The following KCNH1 variants were observed in gnomAD, a reference collection of about 807,000 sequenced individuals.
KCNH1 encodes voltage-gated delayed rectifier potassium channel KCNH1.
In KCNH1, 27 loss-of-function variants were observed where a neutral mutation model predicts 69.2. The ratio of observed to expected loss-of-function variants is 0.39; its 90% CI spans 0.29 to 0.54. The LOEUF is 0.54. KCNH1 is among the 20% of genes least tolerant of loss of function. The pLI is 0.68. For missense variants in KCNH1, 798 were observed against 1,261.6 expected, an observed-to-expected ratio of 0.63 and a Z score of 5.57; for synonymous variants, 456 against 487.7, an observed-to-expected ratio of 0.93 and a Z score of 0.86.
chr1:210,831,497 A>G (rs1369603148), intron 7 of KCNH1, among the ~76,000 whole-genome samples: 1 of 152,208 alleles, frequency 6.6e-6, no homozygotes, highest in Non-Finnish European at 1.5e-5. Flanking sequence ...GCTACTTCCT[A>G]TCACCAAACA....
chr1:210,873,384 G>C (rs1483398150), intron 7 of KCNH1, among the ~76,000 whole-genome samples: 3 of 152,134 alleles, frequency 2.0e-5, no homozygotes, highest in Non-Finnish European at 4.4e-5. Flanking sequence ...ATCTCACTCT[G>C]TTGTCCAGGC....
intron 7 of KCNH1, among the ~76,000 whole-genome samples, chr1:210,911,307 T>A (rs925752284): frequency 3.3e-5 from 5 of 152,126 alleles, no homozygotes; most frequent in Non-Finnish European, 7.4e-5. Context: ...TAACAAGCTG[T>A]CCTTTCCTTA....
intron 7 of KCNH1, among the ~76,000 whole-genome samples, chr1:210,827,293 G>A (rs1011021829): frequency 5.3e-5 from 8 of 152,122 alleles, no homozygotes; most frequent in Non-Finnish European, 7.4e-5. Flanking sequence ...CCGAGATTGC[G>A]CCATTGCACT....
chr1:210,908,506 T>C (rs933828485), intron 7 of KCNH1, among the ~76,000 whole-genome samples: 5 of 152,168 alleles, frequency 3.3e-5, no homozygotes, highest in African/African-American at 1.2e-4. Flanking sequence ...GCCCCGCCTC[T>C]CTGCTTGCAA....
At position 210,683,448 on chromosome 1, in the gene KCNH1, CCTT is replaced by C; in HGVS notation, c.2800_2802del (p.Lys934del). On this transcript the variant is annotated inframe_deletion, in exon 11 of 11. Coordinates refer to ENST00000271751, the MANE Select transcript of KCNH1 (RefSeq NM_172362.3). This position sits in a 1 kb window ranked among gnomAD's most constrained non-coding sequence, Gnocchi z 5.7. ...TTGGCGTTTAAGGCCTTGATGTCCT[CCTT>C]CAGCTCGTGCCTCACCTCCAGGACT... The C allele has an allele frequency of 6.2e-7, 1 of 1,614,142 alleles. No homozygotes were observed. The highest frequency in any genetic ancestry group is 8.5e-7 in the Non-Finnish European group (1 of 1,180,032).
In KCNH1 at chr1:210,919,533, CTTGTT is replaced by C; in HGVS notation, c.1462+102_1462+106del. Reference sequence around the variant, plus strand: ...AAGCCTAGTCTTAAAAAAACTCTTCCTTGTTTTAAGTTATTATTCTCCTGATCCTG... The same window carrying C: ...AAGCCTAGTCTTAAAAAAACTCTTCCTTAAGTTATTATTCTCCTGATCCTG... On this transcript the variant is annotated intron_variant, in intron 7 of 10. Coordinates refer to ENST00000271751, the MANE Select transcript of KCNH1 (RefSeq NM_172362.3). The surrounding 1 kb of genome is among the most constrained non-coding windows in gnomAD (Gnocchi z 4.2). 9.0e-7 allele frequency: 1 copy of C among 1,107,864 alleles called. No homozygotes were observed. The highest frequency in any genetic ancestry group is 1.3e-6 in the Non-Finnish European group (1 of 763,768). 68.6% of individuals were successfully genotyped at this position (1,107,864 alleles called of 1,614,324 possible). A position where few individuals can be genotyped will look rare whatever the true frequency, so the allele number is the denominator to read the frequency against.
intron 7 of KCNH1, among the ~76,000 whole-genome samples, chr1:210,869,514 TGTG>T: frequency 6.7e-6 from 1 of 148,628 alleles, no homozygotes; most frequent in Non-Finnish European, 1.5e-5. Context: ...TGTGTGTGTG[TGTG>T]TGTGTGTGTG....
chr1:210,930,984 A>G (rs1031219405), intron 6 of KCNH1, among the ~76,000 whole-genome samples: 1 of 152,184 alleles, frequency 6.6e-6, no homozygotes, highest in Middle Eastern at 3.2e-3. Context: ...CACTCCTACA[A>G]GAATGGCCAT....
At chr1:210,766,518 G>C (rs938235822) in intron 10 of KCNH1, among the ~76,000 whole-genome samples, 1 of 151,998 alleles carries the variant, frequency 6.6e-6, no homozygotes, top group Non-Finnish European at 1.5e-5. Context: ...AGATTGAGGG[G>C]GGGTGGGGAG....
intron 10 of KCNH1, among the ~76,000 whole-genome samples, chr1:210,740,639 T>C (rs1683001642): frequency 6.6e-6 from 1 of 151,790 alleles, no homozygotes; most frequent in Non-Finnish European, 1.5e-5. Context: ...AGTCATCTCC[T>C]ATGTTAACTC....
chr1:211,083,479 G>A (rs1317214503), intron 4 of KCNH1, among the ~76,000 whole-genome samples: 2 of 152,190 alleles, frequency 1.3e-5, no homozygotes, highest in African/African-American at 4.8e-5. Context: ...CTTTAGGATG[G>A]GAGAAAGATG....
chr1:210,903,851 C>T (rs1414129743), intron 7 of KCNH1, among the ~76,000 whole-genome samples: 2 of 152,146 alleles, frequency 1.3e-5, no homozygotes, highest in Admixed American at 6.5e-5. Context: ...AAAACAGAGG[C>T]ATAGAAAAGC....
intron 6 of KCNH1, among the ~76,000 whole-genome samples, chr1:211,010,237 G>A (rs568163331): frequency 2.4e-4 from 37 of 152,248 alleles, no homozygotes; most frequent in African/African-American, 8.9e-4. Flanking sequence ...GGGGAATGGG[G>A]TTCAGTGCAC....
chr1:210,824,554 A>C (rs1228643795), intron 7 of KCNH1, among the ~76,000 whole-genome samples: 7 of 152,176 alleles, frequency 4.6e-5, no homozygotes, highest in Admixed American at 4.6e-4. Flanking sequence ...AATAGATGAC[A>C]ACTAGATTCT....
chr1:210,958,341 AT>A (rs1035809482), intron 6 of KCNH1, among the ~76,000 whole-genome samples: 5 of 151,932 alleles, frequency 3.3e-5, no homozygotes, highest in Non-Finnish European at 5.9e-5. Flanking sequence ...TGCCCTTAAC[AT>A]TTTTTCCTTC....
intron 10 of KCNH1, among the ~76,000 whole-genome samples, chr1:210,757,000 C>T (rs1385993824): frequency 6.6e-6 from 1 of 152,196 alleles, no homozygotes; most frequent in African/African-American, 2.4e-5. Context: ...CCCATCCTGG[C>T]AAAGGCACCT....
chr1:210,965,820 T>C (rs1357908062), intron 6 of KCNH1, among the ~76,000 whole-genome samples: 2 of 152,068 alleles, frequency 1.3e-5, no homozygotes, highest in East Asian at 1.9e-4. Context: ...AAGTAATTGA[T>C]AGATTCAATG....
intron 6 of KCNH1, among the ~76,000 whole-genome samples, chr1:210,992,572 C>A (rs1009532121): frequency 2.0e-5 from 3 of 151,954 alleles, no homozygotes; most frequent in Non-Finnish European, 2.9e-5. Context: ...CTAGTGGCTG[C>A]TTTTTTAACA....
At chr1:210,998,618 A>G (rs1311318535) in intron 6 of KCNH1, among the ~76,000 whole-genome samples, 1 of 152,220 alleles carries the variant, frequency 6.6e-6, no homozygotes, top group African/African-American at 2.4e-5. Context: ...CAGAAAGTTA[A>G]CAAGGATATC....
Sources: allele counts gnomAD v4.1 joint callset (sites outside exome capture counted in the v4.1 genomes callset), GRCh38; gene constraint gnomAD v4.1.1; non-coding constraint Gnocchi (gnomAD v3.1); transcripts MANE v1.5; gene names NCBI Gene and HGNC (gene_info 2026-07-23, HGNC 2026-07-21).